Variants in RERE observed in about 807,000 individuals in gnomAD.
RERE encodes arginine-glutamic acid dipeptide repeats protein.
RERE carries 40 observed loss-of-function variants against 146.1 expected under a neutral mutation model. The ratio of observed to expected loss-of-function variants is 0.27; its 90% CI spans 0.21 to 0.36. The LOEUF is 0.36. Among genes scored for constraint, RERE ranks in the 10% least tolerant of loss-of-function variants. RERE has a pLI of 1.00. For synonymous variants in RERE, 1,003 were observed against 866.0 expected (o/e 1.16, Z -2.78); for missense variants, 1,933 against 2,138.7 (o/e 0.90, Z 1.90).
At chr1:8,454,803 TCAAA>T (rs546867618) in intron 11 of RERE, among the ~76,000 whole-genome samples, 26 of 151,376 alleles carry the variant, frequency 1.7e-4, no homozygotes, top group South Asian at 4.2e-4. Context: ...AGACTCTGTT[TCAAA>T]CAAACAAACA....
intron 8 of RERE, among the ~76,000 whole-genome samples, chr1:8,498,732 T>TATACAC (rs150497092): frequency 0.014 from 1,458 of 107,804 alleles, 31 homozygotes; most frequent in Admixed American, 0.03. Context: ...AATAAATATA[T>TATACAC]ACACACACAC....
At chr1:8,452,759 T>C (rs1253729728) in intron 11 of RERE, among the ~76,000 whole-genome samples, 2 of 152,216 alleles carry the variant, frequency 1.3e-5, no homozygotes, top group African/African-American at 4.8e-5. Flanking sequence ...AATAAAGACC[T>C]TCCTTTTTCC....
At chr1:8,712,864 G>C (rs1639695467) in intron 1 of RERE, among the ~76,000 whole-genome samples, 2 of 152,010 alleles carry the variant, frequency 1.3e-5, no homozygotes, top group South Asian at 4.1e-4. Context: ...GGTCAGAAAA[G>C]CTTTAAAAAC....
intron 1 of RERE, among the ~76,000 whole-genome samples, chr1:8,788,328 G>C (rs1432026077): frequency 1.3e-5 from 2 of 149,832 alleles, no homozygotes; most frequent in African/African-American, 4.9e-5. Flanking sequence ...TGTTAATAAT[G>C]ACTACATAGA....
chr1:8,406,964 C>G (rs1392610257), intron 12 of RERE, among the ~76,000 whole-genome samples: 6 of 152,298 alleles, frequency 3.9e-5, no homozygotes, highest in Middle Eastern at 3.4e-3. Flanking sequence ...ACACCCGACA[C>G]CCGAGGTTCA....
chr1:8,422,621 G>T, intron 12 of RERE, 106 bp downstream of exon 12: 1 of 815,714 alleles, frequency 1.2e-6, no homozygotes, highest in Non-Finnish European at 2.1e-6. Context: ...GCCCGAGTCT[G>T]AGCACAGCGC....
chr1:8,445,354 C>T lies in RERE; in HGVS notation c.1203+20571G>A, dbSNP rs576762925. ...GTACAGACTTTTCTTCACTGGAATT[C>T]CAAAGCTGACTATAGCTCTGTTCAA... On this transcript the variant is annotated intron_variant, in intron 11 of 22. Transcript: ENST00000400908. Among the ~76,000 whole-genome samples the T allele has an allele frequency of 1.1e-4, 16 of 152,306 alleles. No individual in the cohort carries two copies. In the South Asian group the frequency reaches 1.5e-3, roughly 14 times the overall value.
chr1:8,561,139 TG>T (rs1477722596), intron 4 of RERE, among the ~76,000 whole-genome samples: 1 of 152,246 alleles, frequency 6.6e-6, no homozygotes, highest in Non-Finnish European at 1.5e-5. Flanking sequence ...TTAACTGCTT[TG>T]GTTTATTTGT....
chr1:8,397,264 G>C (rs916954703), intron 12 of RERE, among the ~76,000 whole-genome samples: 4 of 150,774 alleles, frequency 2.7e-5, no homozygotes, highest in African/African-American at 1.0e-4. Context: ...GCCTCATGGA[G>C]ATGCTATGAA....
chr1:8,729,630 A>T (rs746007643), intron 1 of RERE, among the ~76,000 whole-genome samples: 3 of 152,120 alleles, frequency 2.0e-5, no homozygotes, highest in African/African-American at 7.2e-5. Flanking sequence ...AATATTTACT[A>T]TATCTGGCCC....
chr1:8,550,659 G>A (rs1645923081), intron 6 of RERE, among the ~76,000 whole-genome samples: 1 of 152,108 alleles, frequency 6.6e-6, no homozygotes, highest in African/African-American at 2.4e-5. Context: ...CGATTCTCCT[G>A]CCTCAGTCTC....
chr1:8,627,254 T>C (rs1261753468), intron 2 of RERE, among the ~76,000 whole-genome samples: 1 of 152,154 alleles, frequency 6.6e-6, no homozygotes, highest in Non-Finnish European at 1.5e-5. Flanking sequence ...TAACAATTAC[T>C]ATCAATCTTG....
At chr1:8,710,850 C>T (rs1053860457) in intron 1 of RERE, among the ~76,000 whole-genome samples, 1 of 151,918 alleles carries the variant, frequency 6.6e-6, no homozygotes, top group Non-Finnish European at 1.5e-5. Context: ...ATAGGCCAGG[C>T]GGAGTAGCTT....
intron 11 of RERE, among the ~76,000 whole-genome samples, chr1:8,432,167 G>T (rs1042650160): frequency 9.2e-5 from 14 of 152,024 alleles, no homozygotes; most frequent in African/African-American, 3.1e-4. Flanking sequence ...CCAAACTATC[G>T]GTCTGCTAGT....
At chr1:8,482,026 T>C (rs963519087) in intron 10 of RERE, among the ~76,000 whole-genome samples, 2 of 152,166 alleles carry the variant, frequency 1.3e-5, no homozygotes, top group African/African-American at 4.8e-5. Context: ...TAAAAATGGC[T>C]AATACCACCA....
chr1:8,410,820 C>T (rs958632492), intron 12 of RERE, among the ~76,000 whole-genome samples: 6 of 152,292 alleles, frequency 3.9e-5, no homozygotes, highest in Middle Eastern at 3.4e-3. Context: ...CACTTGGTTT[C>T]CCTCCAGTAT....
chr1:8,426,379 G>A (rs574258183), intron 11 of RERE, among the ~76,000 whole-genome samples: 1 of 151,526 alleles, frequency 6.6e-6, no homozygotes, highest in African/African-American at 2.4e-5. Flanking sequence ...GCGTCAACCC[G>A]GGAGGCGCAG....
chr1:8,668,924 CTGTG>C lies in RERE; in HGVS notation c.-144-12487_-144-12484del, dbSNP rs58718828. Among the ~76,000 whole-genome samples the C allele has an allele frequency of 3.3e-3, 274 of 83,520 alleles. 11 individuals carry two copies. Among genetic ancestry groups the C allele is most frequent in the South Asian group, 0.012 (29 of 2,432 alleles). 54.8% of individuals were successfully genotyped at this position (83,520 alleles called of 152,430 possible). A position where few individuals can be genotyped will look rare whatever the true frequency, so the allele number is the denominator to read the frequency against. ...TGAATATTCTAAAATGCACTAAACT[CTGTG>C]TGTGTGTGTGTGTGTGTGTGTGTGT... On this transcript the variant is annotated intron_variant, in intron 1 of 22. Transcript: ENST00000400908.
At chr1:8,703,561 T>G (rs1210910771) in intron 1 of RERE, among the ~76,000 whole-genome samples, 1 of 152,160 alleles carries the variant, frequency 6.6e-6, no homozygotes, top group Non-Finnish European at 1.5e-5. Flanking sequence ...CCTTCGTTGC[T>G]TGGCCAGCCT....
Sources: allele counts gnomAD v4.1 joint callset (sites outside exome capture counted in the v4.1 genomes callset), GRCh38; gene constraint gnomAD v4.1.1; transcripts MANE v1.5; gene names NCBI Gene and HGNC (gene_info 2026-07-23, HGNC 2026-07-21).